Variants in AMMECR1 observed in about 807,000 individuals in gnomAD.
AMMECR1 encodes the protein AMMECR nuclear protein 1, also known as nuclear protein AMMECR1.
In AMMECR1, 3 loss-of-function variants were observed where a neutral mutation model predicts 22.5. The ratio of observed to expected loss-of-function variants is 0.13; its 90% CI spans 0.06 to 0.35. The LOEUF (loss-of-function observed/expected upper bound fraction) is 0.35, where lower values mean the gene tolerates loss of function less well. Ranked by LOEUF, AMMECR1 falls within the 10% of genes least tolerant of loss-of-function variation. The pLI is 1.00. For missense variants in AMMECR1, 235 were observed against 278.7 expected (o/e 0.84, Z 1.12); for synonymous variants, 130 against 116.7 (o/e 1.11, Z -0.74).
intron 1 of AMMECR1, among the ~76,000 whole-genome samples, chrX:110,265,092 AG>A (rs1189949672): frequency 8.9e-6 from 1 of 112,064 alleles, no homozygotes; most frequent in Non-Finnish European, 1.9e-5. Flanking sequence ...CTGAAAATAT[AG>A]GGGATATGTA....
At chrX:110,314,564 G>C (rs1212819762) in intron 1 of AMMECR1, among the ~76,000 whole-genome samples, 2 of 111,844 alleles carry the variant, frequency 1.8e-5, no homozygotes, top group Non-Finnish European at 3.8e-5. Context: ...CCAAAGTTAA[G>C]AATGACTGCT....
upstream of AMMECR1, among the ~76,000 whole-genome samples, chrX:110,321,017 T>C (rs918672352): frequency 8.9e-6 from 1 of 112,088 alleles, no homozygotes; most frequent in Admixed American, 9.4e-5. Context: ...ATGTCTCCTT[T>C]AGGCATTTGA....
chrX:110,238,833 G>A (rs2067615577), intron 2 of AMMECR1, among the ~76,000 whole-genome samples: 1 of 112,185 alleles, frequency 8.9e-6, no homozygotes, highest in Non-Finnish European at 1.9e-5. Flanking sequence ...CCTCTGGGAT[G>A]AAGCTTCCAG....
At chrX:110,422,489 C>A (rs1410091076) in intron 2 of AMMECR1, among the ~76,000 whole-genome samples, 6 of 113,033 alleles carry the variant, frequency 5.3e-5, no homozygotes, top group African/African-American at 1.6e-4. Context: ...CCAGTTGTGG[C>A]AAATCACCCA....
intron 2 of AMMECR1, among the ~76,000 whole-genome samples, chrX:110,236,685 T>C (rs779973512): frequency 8.9e-6 from 1 of 112,465 alleles, no homozygotes; most frequent in South Asian, 3.7e-4. Flanking sequence ...GAAGGTAGTT[T>C]CAAATTTAAT....
At chrX:110,231,730 A>G (rs1282402150) in intron 2 of AMMECR1, among the ~76,000 whole-genome samples, 2 of 111,793 alleles carry the variant, frequency 1.8e-5, no homozygotes, top group Non-Finnish European at 3.8e-5. Flanking sequence ...CAAGTTGGAT[A>G]AAGAGTCAAG....
intron 2 of AMMECR1, among the ~76,000 whole-genome samples, chrX:110,364,544 G>A (rs758924989): frequency 9.0e-6 from 1 of 111,442 alleles, no homozygotes; most frequent in African/African-American, 3.3e-5. Context: ...TTATCAAGAT[G>A]AATTAATAAA....
chrX:110,341,288 C>T (rs768482913), intron 2 of AMMECR1, among the ~76,000 whole-genome samples: 1 of 111,674 alleles, frequency 9.0e-6, no homozygotes, highest in East Asian at 2.8e-4. Flanking sequence ...TACTCATAGG[C>T]CTTATAAAAA....
chrX:110,367,971 CTAATTA>C (rs1292052983), intron 2 of AMMECR1, among the ~76,000 whole-genome samples: 3 of 66,089 alleles, frequency 4.5e-5, no homozygotes, highest in Admixed American at 2.0e-4. Context: ...ACAGTGCTGG[CTAATTA>C]TTATTATTAT....
chrX:110,274,310 T>C (rs1413232742), intron 1 of AMMECR1, among the ~76,000 whole-genome samples: 2 of 112,330 alleles, frequency 1.8e-5, no homozygotes, highest in Non-Finnish European at 1.9e-5. Flanking sequence ...TCACTGATTT[T>C]TGTCTACTTG....
chrX:110,390,941 A>AT (rs2068489971), intron 2 of AMMECR1, among the ~76,000 whole-genome samples: 1 of 111,047 alleles, frequency 9.0e-6, no homozygotes, highest in Non-Finnish European at 1.9e-5. Context: ...TCTCATACCC[A>AT]TTTTTTGTCA....
At chrX:110,423,328 CA>C (rs764253802) in intron 2 of AMMECR1, among the ~76,000 whole-genome samples, 880 of 60,644 alleles carry the variant, frequency 0.015, 12 homozygotes, top group African/African-American at 0.046. Context: ...AACTCGGTCT[CA>C]AAAAAAAAAA....
intron 1 of AMMECR1, among the ~76,000 whole-genome samples, chrX:110,267,052 T>C (rs1348585430): frequency 1.8e-5 from 2 of 111,967 alleles, no homozygotes; most frequent in Non-Finnish European, 3.8e-5. Context: ...TATTCCATGG[T>C]GTATATGTGC....
At chrX:110,298,356 G>A (rs1291258550) in intron 1 of AMMECR1, among the ~76,000 whole-genome samples, 1 of 111,603 alleles carries the variant, frequency 9.0e-6, no homozygotes, top group Non-Finnish European at 1.9e-5. Flanking sequence ...CAAATTACAA[G>A]TTATGAGAAA....
At chrX:110,237,702 T>C (rs1431649209) in intron 2 of AMMECR1, among the ~76,000 whole-genome samples, 1 of 111,915 alleles carries the variant, frequency 8.9e-6, no homozygotes, top group Non-Finnish European at 1.9e-5. Flanking sequence ...GCCACTGCCA[T>C]GTCCTCACTC....
At chrX:110,269,163 T>C (rs1001939317) in intron 1 of AMMECR1, among the ~76,000 whole-genome samples, 1 of 111,740 alleles carries the variant, frequency 8.9e-6, no homozygotes, top group African/African-American at 3.3e-5. Context: ...GAAATGTAGT[T>C]GCATACAATC....
At chrX:110,359,980 C>A (rs1271684555) in intron 2 of AMMECR1, among the ~76,000 whole-genome samples, 1 of 112,042 alleles carries the variant, frequency 8.9e-6, no homozygotes, top group Admixed American at 9.5e-5. Flanking sequence ...CCTTCACAAC[C>A]TTTATTGTGT....
At chrX:110,318,567 C>G (rs1193732106), upstream of AMMECR1, among the ~76,000 whole-genome samples, 4 of 110,753 alleles carry the variant, frequency 3.6e-5, no homozygotes, top group African/African-American at 1.3e-4. Flanking sequence ...CCCCCCGCCG[C>G]AAGCAGTATT....
intron 2 of AMMECR1, among the ~76,000 whole-genome samples, chrX:110,388,532 T>C: frequency 8.9e-6 from 1 of 111,798 alleles, no homozygotes; most frequent in Middle Eastern, 4.6e-3. Context: ...GTTTTCTGAA[T>C]GTTAAGAGGA....
Sources: gnomAD v4.1 joint callset for allele counts (sites outside exome capture counted in the v4.1 genomes callset) on GRCh38, gnomAD v4.1.1 for gene constraint, MANE v1.5 for transcripts, NCBI Gene and HGNC (gene_info 2026-07-23, HGNC 2026-07-21) for gene names.